The following SMLR1 variants were observed in gnomAD, a reference collection of about 807,000 sequenced individuals.
SMLR1 encodes the protein small leucine-rich protein 1.
Under a neutral mutation model 6.1 loss-of-function variants are expected in SMLR1, and 3 were observed. The observed-to-expected ratio is 0.49, with a 90% CI of 0.22 to 1.28. The LOEUF is 1.28. Among genes scored for constraint, SMLR1 ranks in the 50% most tolerant of loss-of-function variants. The pLI is 0.19. For missense variants in SMLR1, 126 were observed against 124.8 expected, an observed-to-expected ratio of 1.01 and a Z score of -0.05; for synonymous variants, 55 against 53.6, an observed-to-expected ratio of 1.03 and a Z score of -0.11.
At position 130,832,593 on chromosome 6, in the gene SMLR1, C is replaced by T. The variant is rs75550593; in HGVS notation, c.239-2277C>T. On this transcript the variant is annotated intron_variant, in intron 1 of 1. Transcript: ENST00000541421. ...GTGCCTGTTCTGAACAACTGTTAGTCATTATTATCCTGCTAGCTTGAGAAT... is the reference window on the plus strand; with the variant it reads ...GTGCCTGTTCTGAACAACTGTTAGTTATTATTATCCTGCTAGCTTGAGAAT... Among the ~76,000 whole-genome samples, 2,208 of 152,266 alleles carry T rather than the reference C, an allele frequency of 0.015. 214 individuals carry two copies. In the East Asian group the frequency reaches 0.27, roughly 18 times the overall value.
rs982315416 is a variant in SMLR1, at chr6:130,835,012, T to C, written c.*57T>C. Reference sequence around the variant, plus strand: ...TGAGTTTCTACTGGTCAGCAAGCAATGGCCAACAGTTCAGCTAATAAAGTA... The same window carrying C: ...TGAGTTTCTACTGGTCAGCAAGCAACGGCCAACAGTTCAGCTAATAAAGTA... On this transcript the variant is annotated 3_prime_UTR_variant, in exon 2 of 2. Transcript: ENST00000541421. 14 of 1,312,472 alleles carry C rather than the reference T, an allele frequency of 1.1e-5. No homozygotes were observed. The highest frequency in any genetic ancestry group is 1.5e-5 in the Non-Finnish European group (14 of 943,774). 81.3% of individuals were successfully genotyped at this position (1,312,472 alleles called of 1,614,324 possible). A position where few individuals can be genotyped will look rare whatever the true frequency, so the allele number is the denominator to read the frequency against.
At chr6:130,829,388 T>A (rs1774374198) in intron 1 of SMLR1, among the ~76,000 whole-genome samples, 1 of 152,194 alleles carries the variant, frequency 6.6e-6, no homozygotes, top group South Asian at 2.1e-4. Flanking sequence ...TTTAGATAAT[T>A]CTGAGGTATA....
chr6:130,831,153 G>A (rs1774432617), intron 1 of SMLR1, among the ~76,000 whole-genome samples: 1 of 152,164 alleles, frequency 6.6e-6, no homozygotes. Context: ...GGCAGTTTTT[G>A]TTCTGTTGAG....
At chr6:130,830,867 AAAAAGGGGTGGCATAAAT>A (rs1345295820) in intron 1 of SMLR1, among the ~76,000 whole-genome samples, 4 of 152,150 alleles carry the variant, frequency 2.6e-5, no homozygotes, top group African/African-American at 9.7e-5. Context: ...TACATGGCCT[AAAAAGGGGTGGCATAAAT>A]AACCGCCCCC....
intron 1 of SMLR1, among the ~76,000 whole-genome samples, chr6:130,832,758 G>A (rs1462771091): frequency 6.6e-6 from 1 of 152,184 alleles, no homozygotes; most frequent in African/African-American, 2.4e-5. Context: ...TGGCTCCAGA[G>A]ATAGCCCCTC....
chr6:130,832,010 A>T (rs538623173), intron 1 of SMLR1, among the ~76,000 whole-genome samples: 65 of 152,324 alleles, frequency 4.3e-4, no homozygotes, highest in Non-Finnish European at 3.2e-4. Flanking sequence ...CGCACTCTTC[A>T]ATCTGTGTCA....
chr6:130,835,955 T>C lies in SMLR1; in HGVS notation c.*1000T>C, dbSNP rs1392155150. The C allele has an allele frequency of 6.6e-6, 1 of 152,172 alleles. No homozygotes were observed. The highest frequency in any genetic ancestry group is 2.1e-4 in the South Asian group (1 of 4,828). The allele number at this position is 152,172 out of a possible 1,614,324, so 9.4% of individuals were successfully genotyped here. On this transcript the variant is annotated 3_prime_UTR_variant, in exon 2 of 2. Coordinates refer to ENST00000541421, the MANE Select transcript of SMLR1 (RefSeq NM_001195597.2). Reference sequence around the variant, plus strand: ...TGCAGGACATTAACAGGCTGAGTGATCCACTTTATAAAACATAATGAATGG... The same window carrying C: ...TGCAGGACATTAACAGGCTGAGTGACCCACTTTATAAAACATAATGAATGG...
chr6:130,828,640 A>G (rs954445043), intron 1 of SMLR1, among the ~76,000 whole-genome samples: 1 of 152,178 alleles, frequency 6.6e-6, no homozygotes, highest in African/African-American at 2.4e-5. Context: ...GAACATAAAG[A>G]AATCCTAGGA....
At chr6:130,830,967 G>T (rs1774426933) in intron 1 of SMLR1, among the ~76,000 whole-genome samples, 1 of 152,208 alleles carries the variant, frequency 6.6e-6, no homozygotes, top group South Asian at 2.1e-4. Context: ...TGCTCTGCCT[G>T]TGGAGTAGCC....
intron 1 of SMLR1, among the ~76,000 whole-genome samples, chr6:130,828,081 A>T (rs961690527): frequency 6.6e-6 from 1 of 152,156 alleles, no homozygotes; most frequent in East Asian, 1.9e-4. Context: ...CACACACACA[A>T]CTTTCTCATC....
At chr6:130,832,122 G>T (rs1015333435) in intron 1 of SMLR1, among the ~76,000 whole-genome samples, 4 of 152,046 alleles carry the variant, frequency 2.6e-5, no homozygotes, top group African/African-American at 4.8e-5. Context: ...CATCTTCTAG[G>T]TTGGAAGTTT....
chr6:130,833,007 A>G (rs1774513369), intron 1 of SMLR1, among the ~76,000 whole-genome samples: 1 of 152,136 alleles, frequency 6.6e-6, no homozygotes, highest in Non-Finnish European at 1.5e-5. Context: ...ACATTTCTTT[A>G]CCTGGGAACT....
intron 1 of SMLR1, among the ~76,000 whole-genome samples, chr6:130,829,795 G>A (rs1460331550): frequency 6.6e-6 from 1 of 152,130 alleles, no homozygotes; most frequent in Non-Finnish European, 1.5e-5. Flanking sequence ...GCCCACAACT[G>A]TTAAGTCTGT....
At chr6:130,828,748 G>T (rs1363580577) in intron 1 of SMLR1, among the ~76,000 whole-genome samples, 1 of 152,056 alleles carries the variant, frequency 6.6e-6, no homozygotes, top group African/African-American at 2.4e-5. Context: ...TTTATGAACA[G>T]CCCTTTTGCT....
chr6:130,828,983 G>A lies in SMLR1; in HGVS notation c.238+1332G>A, dbSNP rs143474594. Among the ~76,000 whole-genome samples the A allele has an allele frequency of 2.9e-3, 436 of 152,214 alleles. 7 individuals are homozygous for A. The highest frequency in any genetic ancestry group is 0.01 in the African/African-American group (416 of 41,536). On this transcript the variant is annotated intron_variant, in intron 1 of 1. Transcript: ENST00000541421. ...GCTTCCCTTCAGTGTCTTCCAAGTC[G>A]AAATGTTTTTCAGAGTTGTTGCAAA...
Position 130,835,177 on chromosome 6 carries a change from T to G in SMLR1, c.*222T>G. The G allele has an allele frequency of 1.9e-6, 1 of 527,732 alleles. No individual in the cohort carries two copies. Among genetic ancestry groups the G allele is most frequent in the South Asian group, 2.3e-5 (1 of 44,064 alleles). 32.7% of individuals were successfully genotyped at this position (527,732 alleles called of 1,614,324 possible). A position where few individuals can be genotyped will look rare whatever the true frequency, so the allele number is the denominator to read the frequency against. Reference sequence around the variant, plus strand: ...AGCAGCTCTTGAAAAGTACCAAGAATGGATTTCCTGGGTATATACACTGGA... The same window carrying G: ...AGCAGCTCTTGAAAAGTACCAAGAAGGGATTTCCTGGGTATATACACTGGA... On this transcript the variant is annotated 3_prime_UTR_variant, in exon 2 of 2. Coordinates refer to ENST00000541421, the MANE Select transcript of SMLR1 (RefSeq NM_001195597.2).
chr6:130,836,670 T>C lies in SMLR1; in HGVS notation c.*1715T>C, dbSNP rs1774676339. 6.6e-6 allele frequency: 1 copy of C among 152,188 alleles called. No individual in the cohort carries two copies. The highest frequency in any genetic ancestry group is 2.4e-5 in the African/African-American group (1 of 41,460). 9.4% of individuals were successfully genotyped at this position (152,188 alleles called of 1,614,324 possible). A position where few individuals can be genotyped will look rare whatever the true frequency, so the allele number is the denominator to read the frequency against. On this transcript the variant is annotated 3_prime_UTR_variant, in exon 2 of 2. Coordinates refer to ENST00000541421, the MANE Select transcript of SMLR1 (RefSeq NM_001195597.2). ...ATGAAACTGACTAGATTTATGAATG[T>C]TTTTTATATGTAGAGAGGGGCAGAA...
At chr6:130,834,740 G>A in intron 1 of SMLR1, 130 bp from the exon 2 acceptor site, 1 of 679,948 alleles carries the variant, frequency 1.5e-6, no homozygotes, top group Non-Finnish European at 2.6e-6. Context: ...GATCTGCTTG[G>A]AAGACCTGGA....
At chr6:130,828,793 T>C (rs1317023437) in intron 1 of SMLR1, among the ~76,000 whole-genome samples, 2 of 152,200 alleles carry the variant, frequency 1.3e-5, no homozygotes, top group African/African-American at 4.8e-5. Flanking sequence ...CACTCTATAA[T>C]ATTCATGTGA....
Sources: allele counts gnomAD v4.1 joint callset (sites outside exome capture counted in the v4.1 genomes callset), GRCh38; gene constraint gnomAD v4.1.1; transcripts MANE v1.5; gene names NCBI Gene and HGNC (gene_info 2026-07-23, HGNC 2026-07-21).